KLHL5: variants seen among roughly 807,000 people sequenced by gnomAD.
The protein encoded by KLHL5 is kelch-like protein 5.
Under a neutral mutation model 77.7 loss-of-function variants are expected in KLHL5, and 48 were observed. The ratio of observed to expected loss-of-function variants is 0.62; its 90% confidence interval spans 0.49 to 0.79. KLHL5 has a LOEUF of 0.79. Among genes scored for constraint, KLHL5 ranks in the 30% least tolerant of loss-of-function variants. The probability of loss-of-function intolerance (pLI) is 0.00; values close to 1 mark genes in which losing one functional copy is unlikely to be tolerated. For synonymous variants in KLHL5, 260 were observed against 297.0 expected (o/e 0.88, Z 1.28); for missense variants, 723 against 859.7 (o/e 0.84, Z 1.99).
At position 39,124,245 on chromosome 4, in the gene KLHL5, C is replaced by G. The variant is rs1393057490; in HGVS notation, c.*3179C>G. Among the ~76,000 whole-genome samples, 2 of 152,104 alleles carry G rather than the reference C, an allele frequency of 1.3e-5. No homozygotes were observed. The highest frequency in any genetic ancestry group is 4.8e-5 in the African/African-American group (2 of 41,420). ...AGATGGCATTACTCCCAAAATTAGTCTATAGATTTAATACAATCCCCATTA... is the reference window on the plus strand; with the variant it reads ...AGATGGCATTACTCCCAAAATTAGTGTATAGATTTAATACAATCCCCATTA... On this transcript the variant is annotated 3_prime_UTR_variant, in exon 11 of 11. Coordinates refer to ENST00000504108, the MANE Select transcript of KLHL5 (RefSeq NM_015990.5).
chr4:39,133,131 T>C, the KLHL5 span, among the ~76,000 whole-genome samples: 2 of 152,098 alleles, frequency 1.3e-5, no homozygotes, highest in African/African-American at 4.8e-5. Flanking sequence ...GTAATAAAAA[T>C]TATTCAGGTC....
intron 5 of KLHL5, among the ~76,000 whole-genome samples, chr4:39,087,714 T>C (rs376504957): frequency 2.0e-5 from 3 of 152,360 alleles, no homozygotes; most frequent in South Asian, 4.1e-4. Flanking sequence ...CTGCATACTT[T>C]GCTGCCTATC....
chr4:39,084,429 A>G (rs1719875876), intron 4 of KLHL5, among the ~76,000 whole-genome samples: 1 of 152,250 alleles, frequency 6.6e-6, no homozygotes, highest in East Asian at 1.9e-4. Context: ...TATGACACAA[A>G]TAAAAACATT....
intron 1 of KLHL5, among the ~76,000 whole-genome samples, chr4:39,051,760 T>C (rs1716668624): frequency 6.6e-6 from 1 of 152,184 alleles, no homozygotes; most frequent in African/African-American, 2.4e-5. Context: ...CCAGTGTCTC[T>C]TACACAACTC....
intron 1 of KLHL5, among the ~76,000 whole-genome samples, chr4:39,052,746 A>G (rs549540342): frequency 6.6e-6 from 1 of 152,242 alleles, no homozygotes; most frequent in South Asian, 2.1e-4. Flanking sequence ...AAGAAGGAAT[A>G]CTCAAGTCCG....
At chr4:39,142,394 CA>C in the KLHL5 span, among the ~76,000 whole-genome samples, 2,138 of 94,814 alleles carry the variant, frequency 0.023, 34 homozygotes, top group African/African-American at 0.061. Flanking sequence ...AACTCTGTCT[CA>C]AAAAAAAAAA....
At chr4:39,129,302 G>A (rs983341557), downstream of KLHL5, among the ~76,000 whole-genome samples, 1 of 151,766 alleles carries the variant, frequency 6.6e-6, no homozygotes, top group African/African-American at 2.4e-5. This position sits in a 1 kb window ranked among gnomAD's most constrained non-coding sequence, Gnocchi z 4.2. Context: ...CCGCCTCCTG[G>A]GTTCAAGTGG....
At position 39,122,887 on chromosome 4, in the gene KLHL5, A is replaced by G. The variant is rs140235155; in HGVS notation, c.*1821A>G. 2.4e-3 allele frequency among the ~76,000 whole-genome samples: 367 copies of G among 152,212 alleles called. 7 individuals are homozygous for G. In the East Asian group the frequency reaches 0.054, roughly 23 times the overall value. ...TATTTTAATAAAAAAAAGAGGGTTTATGCTCTATAGTAATAAAATTTACCA... is the reference window on the plus strand; with the variant it reads ...TATTTTAATAAAAAAAAGAGGGTTTGTGCTCTATAGTAATAAAATTTACCA... On this transcript the variant is annotated 3_prime_UTR_variant, in exon 11 of 11. Transcript: ENST00000504108.
intron 5 of KLHL5, among the ~76,000 whole-genome samples, chr4:39,095,438 A>G (rs996686201): frequency 1.3e-5 from 2 of 152,236 alleles, no homozygotes; most frequent in African/African-American, 4.8e-5. Flanking sequence ...ATACACATAT[A>G]TGTGCACACA....
At chr4:39,087,042 C>T (rs1358151244) in intron 5 of KLHL5, among the ~76,000 whole-genome samples, 2 of 150,092 alleles carry the variant, frequency 1.3e-5, no homozygotes, top group Non-Finnish European at 3.0e-5. Context: ...TCTCAAGTAG[C>T]TGGGACTACA....
At chr4:39,052,835 T>G (rs951013168) in intron 1 of KLHL5, among the ~76,000 whole-genome samples, 3 of 152,166 alleles carry the variant, frequency 2.0e-5, no homozygotes, top group African/African-American at 7.2e-5. Flanking sequence ...TGTCCTAAAT[T>G]TATTTGTCAT....
chr4:39,103,496 C>T lies in KLHL5; in HGVS notation c.1510C>T (p.His504Tyr), dbSNP rs1183818621. ...TWSVMPPMST[H>Y]RHGLGVAVLE... is the part of the protein sequence containing the mutation. ...GAGTGTGATGCCACCTATGTCCACA[C>T]ATAGACATGGCCTTGGTAAGTACAA... The change falls in exon 7 of 11, where the codon CAT becomes TAT. Residue 504 changes from histidine (H) to tyrosine (Y), a missense_variant. By Grantham distance (83) the His-to-Tyr change is moderately conservative (BLOSUM62 2). Around this residue, in one of 3 missense-constraint regions of KLHL5, gnomAD observed 288 missense variants for 400.3 expected, o/e 0.72. Transcript: ENST00000504108. 1 of 1,613,650 alleles carries T rather than the reference C, an allele frequency of 6.2e-7. No homozygotes were observed. Among genetic ancestry groups the T allele is most frequent in the South Asian group, 1.1e-5 (1 of 91,076 alleles).
chr4:39,109,271 G>T (rs771106687), intron 8 of KLHL5, among the ~76,000 whole-genome samples: 9 of 151,920 alleles, frequency 5.9e-5, no homozygotes, highest in Non-Finnish European at 1.3e-4. Context: ...GATTTTTGTG[G>T]TTTTTGTTAC....
At chr4:39,086,857 C>A in intron 5 of KLHL5, 130 bp downstream of exon 5, 3 of 573,550 alleles carry the variant, frequency 5.2e-6, no homozygotes, top group Non-Finnish European at 9.3e-6. Context: ...CTTATGCTTT[C>A]AGTCCAGAAG....
chr4:39,069,568 A>ATATATATATAT (rs1718279187), intron 1 of KLHL5, among the ~76,000 whole-genome samples: 4 of 144,590 alleles, frequency 2.8e-5, no homozygotes, highest in African/African-American at 7.8e-5. Flanking sequence ...ATATATATAT[A>ATATATATATAT]AACCATAGAG....
At chr4:39,127,986 G>T (rs551048611), downstream of KLHL5, among the ~76,000 whole-genome samples, 2 of 152,316 alleles carry the variant, frequency 1.3e-5, no homozygotes, top group South Asian at 4.1e-4. Flanking sequence ...AGCAGAGACG[G>T]ACTGGCAGAG....
At chr4:39,108,710 C>G (rs1722223479) in intron 8 of KLHL5, among the ~76,000 whole-genome samples, 1 of 152,054 alleles carries the variant, frequency 6.6e-6, no homozygotes. Context: ...TCTTTCTAAA[C>G]TCTTTGGTAA....
the KLHL5 span, among the ~76,000 whole-genome samples, chr4:39,137,350 C>CAAAA: frequency 6.8e-6 from 1 of 147,276 alleles, no homozygotes; most frequent in East Asian, 2.0e-4. Context: ...CCAATTTTTA[C>CAAAA]AAAAAAAAAA....
chr4:39,089,804 C>T (rs1720356368), intron 5 of KLHL5, among the ~76,000 whole-genome samples: 1 of 152,172 alleles, frequency 6.6e-6, no homozygotes, highest in Non-Finnish European at 1.5e-5. Flanking sequence ...TGGGGCCTGG[C>T]AAATGGTGTT....
Sources: gnomAD v4.1 joint callset for allele counts (sites outside exome capture counted in the v4.1 genomes callset) on GRCh38, gnomAD v4.1.1 for gene constraint, gnomAD v4.1.1 regional missense constraint, Gnocchi (gnomAD v3.1) non-coding constraint, MANE v1.5 for transcripts, NCBI Gene and HGNC (gene_info 2026-07-23, HGNC 2026-07-21) for gene names.